CCDC141: variants seen among roughly 807,000 people sequenced by gnomAD.
The protein encoded by CCDC141 is coiled-coil domain-containing protein 141.
Under a neutral mutation model 181.0 loss-of-function variants are expected in CCDC141, and 168 were observed. The ratio of observed to expected loss-of-function variants is 0.93; its 90% CI spans 0.82 to 1.05. The LOEUF (loss-of-function observed/expected upper bound fraction) is 1.05, where lower values mean the gene tolerates loss of function less well. CCDC141 is among the 50% of genes least tolerant of loss of function. The pLI, the probability that CCDC141 is intolerant of heterozygous loss-of-function variation, is 0.00. For synonymous variants in CCDC141, 666 were observed against 642.3 expected, an observed-to-expected ratio of 1.04 and a Z score of -0.56; for missense variants, 1,902 against 1,788.5, an observed-to-expected ratio of 1.06 and a Z score of -1.14.
chr2:178,981,403 G>A (rs934591498), intron 2 of CCDC141, among the ~76,000 whole-genome samples: 1 of 151,242 alleles, frequency 6.6e-6, no homozygotes, highest in South Asian at 2.1e-4. Flanking sequence ...TATACTCTCA[G>A]ACCACAAAAG....
Position 178,831,979 on chromosome 2 carries a change from C to T in CCDC141, c.*2194G>A, listed in dbSNP as rs1684265949. 6.6e-6 allele frequency: 1 copy of T among 151,990 alleles called. No homozygotes were observed. Among genetic ancestry groups the T allele is most frequent in the African/African-American group, 2.4e-5 (1 of 41,376 alleles). The allele number at this position is 151,990 out of a possible 1,614,324, so 9.4% of individuals were successfully genotyped here. A position where few individuals can be genotyped will look rare whatever the true frequency, so the allele number is the denominator to read the frequency against. Reference sequence around the variant, plus strand: ...CAAAGAGTTAACATGAACAAGCATGCAATAGAGAAAGCAAACCAGGAATTC... The same window carrying T: ...CAAAGAGTTAACATGAACAAGCATGTAATAGAGAAAGCAAACCAGGAATTC... On this transcript the variant is annotated 3_prime_UTR_variant, in exon 24 of 24. Transcript: ENST00000443758.
rs756279402 is a variant in CCDC141 at position 179,047,407 on chromosome 2, C to A, written c.103-1G>T. ...GTTGAAGTTGTACCCATTTGCCACA[C>A]TAAAAATAAAAATTAAATAAAATGC... is the stretch of plus-strand genomic sequence containing the variant. On this transcript the variant is annotated splice_acceptor_variant, in intron 1 of 23. Coordinates refer to ENST00000443758, the MANE Select transcript of CCDC141 (RefSeq NM_173648.4). LOFTEE classifies it high-confidence loss of function. The A allele has an allele frequency of 1.3e-5, 20 of 1,499,630 alleles. No individual in the cohort carries two copies. The highest frequency in any genetic ancestry group is 2.6e-5 in the Admixed American group (1 of 37,988). 92.9% of individuals were successfully genotyped at this position (1,499,630 alleles called of 1,614,324 possible).
At chr2:178,950,476 A>G (rs541951030) in intron 5 of CCDC141, among the ~76,000 whole-genome samples, 1 of 152,350 alleles carries the variant, frequency 6.6e-6, no homozygotes. Flanking sequence ...AATGCACATT[A>G]GAAGAGATGC....
chr2:178,978,189 C>T (rs1240044775), intron 3 of CCDC141, among the ~76,000 whole-genome samples: 1 of 152,114 alleles, frequency 6.6e-6, no homozygotes, highest in African/African-American at 2.4e-5. Context: ...GTATTACTAC[C>T]TTCTATAGAG....
Position 178,878,117 on chromosome 2 carries a change from T to C in CCDC141, c.1746A>G (p.Lys582=). 2 of 1,606,140 alleles carry C rather than the reference T, an allele frequency of 1.2e-6. No homozygotes were observed. Among genetic ancestry groups the C allele is most frequent in the Non-Finnish European group, 8.5e-7 (1 of 1,178,258 alleles). ...EEVEMQFQSL[K]EFYETEIPQK... ...GAGGGATTTCGGTTTCATAAAATTC[T>C]TTTAAGCTCTGAAACTGCATCTCTA... The change falls in exon 12 of 24, where the codon AAA becomes AAG. Residue 582 remains lysine (K), a synonymous_variant. Transcript: ENST00000443758.
chr2:178,818,326 T>C, the CCDC141 span, among the ~76,000 whole-genome samples: 2 of 152,208 alleles, frequency 1.3e-5, no homozygotes, highest in South Asian at 2.1e-4. Flanking sequence ...TGTGCAGGTT[T>C]GTTACATAGG....
intron 2 of CCDC141, 55 bp from the exon 3 acceptor site, chr2:178,978,730 AG>A: frequency 7.6e-7 from 1 of 1,316,570 alleles, no homozygotes; most frequent in Admixed American, 3.2e-5. Flanking sequence ...GTAAGAACAC[AG>A]GATCACATTT....
intron 6 of CCDC141, among the ~76,000 whole-genome samples, chr2:178,928,458 C>T (rs1191560164): frequency 6.6e-6 from 1 of 152,112 alleles, no homozygotes; most frequent in African/African-American, 2.4e-5. Context: ...TTCAATTTCA[C>T]TCTTATTATC....
In CCDC141 at chr2:178,834,165, C is replaced by T. The variant is rs1360812967; in HGVS notation, c.*8G>A. The T allele has an allele frequency of 3.3e-6, 5 of 1,532,896 alleles. No homozygotes were observed. The highest frequency in any genetic ancestry group is 4.4e-6 in the Non-Finnish European group (5 of 1,144,124). 95.0% of individuals were successfully genotyped at this position (1,532,896 alleles called of 1,614,324 possible). A position where few individuals can be genotyped will look rare whatever the true frequency, so the allele number is the denominator to read the frequency against. ...TGAGAATGATGTCCATTGGTGCCAA[C>T]ACCACAGTTATTGTGTGAGGAGCCA... On this transcript the variant is annotated 3_prime_UTR_variant, in exon 24 of 24. Transcript: ENST00000443758.
chr2:178,998,719 T>C (rs1234868157), intron 2 of CCDC141, among the ~76,000 whole-genome samples: 1 of 152,152 alleles, frequency 6.6e-6, no homozygotes, highest in Non-Finnish European at 1.5e-5. Flanking sequence ...TGCACTCTTT[T>C]ACAGATTCAC....
intron 8 of CCDC141, among the ~76,000 whole-genome samples, chr2:178,904,228 G>A (rs1366080268): frequency 1.3e-5 from 2 of 152,172 alleles, no homozygotes; most frequent in African/African-American, 4.8e-5. Flanking sequence ...TTTCAAAGGG[G>A]AGAATCCCTT....
At chr2:178,860,575 T>G (rs12996387) in intron 17 of CCDC141, among the ~76,000 whole-genome samples, 1 of 109,836 alleles carries the variant, frequency 9.1e-6, no homozygotes, top group Non-Finnish European at 1.8e-5. Context: ...TTTTTTTTGG[T>G]AGAGGCAGGG....
chr2:179,043,825 A>G (rs1319386636), intron 2 of CCDC141, among the ~76,000 whole-genome samples: 1 of 152,224 alleles, frequency 6.6e-6, no homozygotes, highest in African/African-American at 2.4e-5. Flanking sequence ...ATCAGGCAAG[A>G]GAAACAAATG....
chr2:178,815,646 G>A, the CCDC141 span, among the ~76,000 whole-genome samples: 10 of 152,212 alleles, frequency 6.6e-5, no homozygotes, highest in East Asian at 1.2e-3. Flanking sequence ...TGCTCAAGTC[G>A]CTTATATAAA....
At chr2:179,043,954 A>T (rs998135717) in intron 2 of CCDC141, among the ~76,000 whole-genome samples, 3 of 152,258 alleles carry the variant, frequency 2.0e-5, no homozygotes, top group Non-Finnish European at 4.4e-5. Flanking sequence ...CTACTTCAGC[A>T]AAGTCTCAGG....
chr2:178,961,223 G>T lies in CCDC141; in HGVS notation c.780+7C>A. ...CTGGAACATCATCCAATGCCCCTTT[G>T]GGTTACCTGGTTTTCTTGTTGGTCC... On this transcript the variant is annotated splice_region_variant and intron_variant, in intron 5 of 23. Coordinates refer to ENST00000443758, the MANE Select transcript of CCDC141 (RefSeq NM_173648.4). 1 of 1,549,748 alleles carries T rather than the reference G, an allele frequency of 6.5e-7. No homozygotes were observed. Among genetic ancestry groups the T allele is most frequent in the South Asian group, 1.2e-5 (1 of 83,948 alleles).
At chr2:178,896,402 G>A (rs1162754758) in intron 8 of CCDC141, among the ~76,000 whole-genome samples, 1 of 152,140 alleles carries the variant, frequency 6.6e-6, no homozygotes, top group African/African-American at 2.4e-5. Context: ...GACAGGTTCT[G>A]GGGATTTGGG....
chr2:178,842,147 A>T (rs1475859684), intron 22 of CCDC141, among the ~76,000 whole-genome samples: 3 of 152,232 alleles, frequency 2.0e-5, no homozygotes, highest in South Asian at 4.1e-4. Flanking sequence ...GACAGGGCAT[A>T]TTTACATCAG....
intron 17 of CCDC141, among the ~76,000 whole-genome samples, chr2:178,865,261 T>C (rs997063248): frequency 6.6e-6 from 1 of 152,212 alleles, no homozygotes; most frequent in East Asian, 1.9e-4. Context: ...ACCTCAGTGC[T>C]AATACTTCGT....
Sources: gnomAD v4.1 joint callset for allele counts (sites outside exome capture counted in the v4.1 genomes callset) on GRCh38, gnomAD v4.1.1 for gene constraint, MANE v1.5 for transcripts, NCBI Gene and HGNC (gene_info 2026-07-23, HGNC 2026-07-21) for gene names.